Variants in GALNT1 observed in about 807,000 individuals in gnomAD.
The protein encoded by GALNT1 is polypeptide N-acetylgalactosaminyltransferase 1, also known as GalNAc transferase 1.
GALNT1 carries 17 observed loss-of-function variants against 65.7 expected under a neutral mutation model. That is an observed-to-expected ratio of 0.26 (90% CI 0.18 to 0.39). The LOEUF (loss-of-function observed/expected upper bound fraction) is 0.39, where lower values mean the gene tolerates loss of function less well. Ranked by LOEUF, GALNT1 falls within the 10% of genes least tolerant of loss-of-function variation. The pLI is 1.00. For missense variants in GALNT1, 460 were observed against 672.8 expected, an observed-to-expected ratio of 0.68 and a Z score of 3.50; for synonymous variants, 210 against 219.7, an observed-to-expected ratio of 0.96 and a Z score of 0.39.
intron 1 of GALNT1, among the ~76,000 whole-genome samples, chr18:35,586,741 G>A (rs2046382457): frequency 6.6e-6 from 1 of 152,220 alleles, no homozygotes; most frequent in Non-Finnish European, 1.5e-5. Flanking sequence ...GGAGCTGGGA[G>A]TGGTGGGCAT....
intron 9 of GALNT1, 149 bp downstream of exon 9, chr18:35,692,469 G>T: frequency 3.9e-6 from 2 of 516,784 alleles, no homozygotes; most frequent in Middle Eastern, 5.1e-4. Context: ...TTCTTACCAC[G>T]TAAGTCTAAA....
At chr18:35,695,236 G>A (rs1477091933) in intron 9 of GALNT1, among the ~76,000 whole-genome samples, 3 of 151,972 alleles carry the variant, frequency 2.0e-5, no homozygotes, top group Non-Finnish European at 1.5e-5. Context: ...TGGGTGGATA[G>A]GAGGTGAAAT....
At chr18:35,593,985 C>G (rs532273699) in intron 1 of GALNT1, among the ~76,000 whole-genome samples, 46 of 151,370 alleles carry the variant, frequency 3.0e-4, no homozygotes, top group Non-Finnish European at 6.0e-4. Flanking sequence ...GTTGGGATTA[C>G]AGGAGTGAGT....
chr18:35,601,255 A>G lies in GALNT1; in HGVS notation c.-104+19393A>G, dbSNP rs545517113. 5.3e-5 allele frequency among the ~76,000 whole-genome samples: 8 copies of G among 152,036 alleles called. No homozygotes were observed. The East Asian group carries it at 1.5e-3, about 29-fold the overall frequency. On this transcript the variant is annotated intron_variant, in intron 1 of 11. Coordinates refer to ENST00000269195, the MANE Select transcript of GALNT1 (RefSeq NM_020474.4). ...GTATAGTTCTTAATAGTCTCCAATG[A>G]TCCTCTGTATTTCTATGGTATCATT...
chr18:35,591,596 C>G (rs1243657129), intron 1 of GALNT1: 2 of 153,460 alleles, frequency 1.3e-5, no homozygotes, highest in East Asian at 3.9e-4. Flanking sequence ...GACTACCTTG[C>G]TCGGATAGTT....
At chr18:35,683,364 G>A (rs1598805042) in intron 4 of GALNT1, 27 bp from the exon 5 acceptor site, 1 of 1,579,342 alleles carries the variant, frequency 6.3e-7, no homozygotes, top group East Asian at 2.2e-5. Flanking sequence ...ACACTGGTTT[G>A]CATGTTTTCT....
chr18:35,675,263 TTG>T (rs1440294097), intron 3 of GALNT1, among the ~76,000 whole-genome samples: 1 of 152,136 alleles, frequency 6.6e-6, no homozygotes, highest in East Asian at 1.9e-4. Flanking sequence ...GGGTGTGTGT[TTG>T]TGTGTGTTTG....
chr18:35,620,005 G>A (rs1051575875), intron 1 of GALNT1, among the ~76,000 whole-genome samples: 1 of 152,118 alleles, frequency 6.6e-6, no homozygotes, highest in Non-Finnish European at 1.5e-5. Context: ...GTGTTTGTTA[G>A]CATTAGGTTT....
At chr18:35,705,379 T>C (rs2048239242) in intron 11 of GALNT1, among the ~76,000 whole-genome samples, 2 of 152,224 alleles carry the variant, frequency 1.3e-5, no homozygotes, top group Non-Finnish European at 2.9e-5. Context: ...CAATCTTTTC[T>C]CCACTATTAG....
Position 35,703,493 on chromosome 18 carries a change from G to C in GALNT1, c.1399-16G>C. ...ATTTATTTTTTCTGTTTATGTGTGT[G>C]CATTTTTATTTCCAGGTTTTCTCTT... On this transcript the variant is annotated splice_polypyrimidine_tract_variant and intron_variant, in intron 10 of 11. Transcript: ENST00000269195. 1 of 1,609,614 alleles carries C rather than the reference G, an allele frequency of 6.2e-7. No homozygotes were observed. The highest frequency in any genetic ancestry group is 1.3e-5 in the African/African-American group (1 of 74,798).
chr18:35,676,973 T>C (rs2047719826), intron 3 of GALNT1, among the ~76,000 whole-genome samples: 3 of 152,200 alleles, frequency 2.0e-5, no homozygotes, highest in Admixed American at 6.5e-5. Context: ...GTGAACGAGA[T>C]ACATGTTGAT....
intron 1 of GALNT1, among the ~76,000 whole-genome samples, chr18:35,609,030 T>G (rs1441522547): frequency 1.3e-5 from 2 of 152,226 alleles, no homozygotes; most frequent in Non-Finnish European, 2.9e-5. Context: ...ATGCTTTATG[T>G]TATAGAAAAC....
At chr18:35,637,164 A>G (rs1485009464) in intron 1 of GALNT1, among the ~76,000 whole-genome samples, 1 of 152,176 alleles carries the variant, frequency 6.6e-6, no homozygotes, top group Non-Finnish European at 1.5e-5. Flanking sequence ...GCTAAGCAAC[A>G]GTATTGAAAG....
intron 1 of GALNT1, among the ~76,000 whole-genome samples, chr18:35,635,807 AGC>A (rs1315429328): frequency 6.6e-6 from 1 of 151,978 alleles, no homozygotes; most frequent in East Asian, 1.9e-4. Context: ...TTTTGTCCAC[AGC>A]TATTTGTATT....
At chr18:35,643,479 T>C (rs1293044733) in intron 1 of GALNT1, among the ~76,000 whole-genome samples, 1 of 152,120 alleles carries the variant, frequency 6.6e-6, no homozygotes, top group East Asian at 1.9e-4. Flanking sequence ...ATAACACATA[T>C]CTGGCTGGGC....
chr18:35,656,885 A>G (rs1057255754), intron 2 of GALNT1, among the ~76,000 whole-genome samples: 2 of 152,178 alleles, frequency 1.3e-5, no homozygotes, highest in Non-Finnish European at 2.9e-5. Context: ...GGAGATGGAG[A>G]GGAAATAAAT....
chr18:35,637,517 T>A (rs1379340076), intron 1 of GALNT1, among the ~76,000 whole-genome samples: 1 of 152,194 alleles, frequency 6.6e-6, no homozygotes, highest in East Asian at 1.9e-4. Flanking sequence ...TCGTCAATGC[T>A]ATGAAGGCTG....
chr18:35,617,109 C>T (rs1277623783), intron 1 of GALNT1, among the ~76,000 whole-genome samples: 9 of 152,002 alleles, frequency 5.9e-5, no homozygotes, highest in Non-Finnish European at 7.4e-5. Flanking sequence ...ACAGCTCCCC[C>T]CTCCATTTCC....
rs553045896 is a variant in GALNT1, at chr18:35,710,236, G to T, written c.*466G>T. On this transcript the variant is annotated 3_prime_UTR_variant, in exon 12 of 12. Coordinates refer to ENST00000269195, the MANE Select transcript of GALNT1 (RefSeq NM_020474.4). ...TATAAAAATAAAAGAACTGGAACCA[G>T]ATTCAGAATCATGAAAACAACATTT... The T allele has an allele frequency of 6.5e-6, 1 of 153,304 alleles. No individual in the cohort carries two copies. The highest frequency in any genetic ancestry group is 1.9e-4 in the East Asian group (1 of 5,186). The allele number at this position is 153,304 out of a possible 1,614,324, so 9.5% of individuals were successfully genotyped here. A position where few individuals can be genotyped will look rare whatever the true frequency, so the allele number is the denominator to read the frequency against.
Sources: gnomAD v4.1 joint callset for allele counts (sites outside exome capture counted in the v4.1 genomes callset) on GRCh38, gnomAD v4.1.1 for gene constraint, MANE v1.5 for transcripts, NCBI Gene and HGNC (gene_info 2026-07-23, HGNC 2026-07-21) for gene names.